Variants in COLEC12 observed in about 807,000 individuals in gnomAD.
COLEC12 encodes collectin-12.
In COLEC12, 33 loss-of-function variants were observed where a neutral mutation model predicts 71.1. The ratio of observed to expected loss-of-function variants is 0.46; its 90% CI spans 0.35 to 0.62. The LOEUF is 0.62. Among genes scored for constraint, COLEC12 ranks in the 20% least tolerant of loss-of-function variants. The pLI is 0.00. For missense variants in COLEC12, 765 were observed against 916.1 expected (o/e 0.84, Z 2.13); for synonymous variants, 350 against 353.0 (o/e 0.99, Z 0.10).
intron 2 of COLEC12, among the ~76,000 whole-genome samples, chr18:474,999 G>A (rs555792562): frequency 1.5e-3 from 226 of 152,060 alleles, no homozygotes; most frequent in Non-Finnish European, 2.7e-3. Context: ...ACTTGAACCC[G>A]GGAGGCGGAG....
At chr18:331,322 TG>T (rs565583716) in intron 8 of COLEC12, among the ~76,000 whole-genome samples, 1 of 152,240 alleles carries the variant, frequency 6.6e-6, no homozygotes, top group South Asian at 2.1e-4. Flanking sequence ...ACGCTGAACA[TG>T]CCTGAGGTTG....
chr18:478,300 G>A (rs918531374), intron 2 of COLEC12, among the ~76,000 whole-genome samples: 4 of 152,166 alleles, frequency 2.6e-5, no homozygotes, highest in Non-Finnish European at 5.9e-5. Flanking sequence ...CTCCCTTATA[G>A]GTGAAAACAA....
chr18:364,248 T>C (rs1914808864), intron 2 of COLEC12, among the ~76,000 whole-genome samples: 1 of 152,232 alleles, frequency 6.6e-6, no homozygotes, highest in Admixed American at 6.5e-5. Flanking sequence ...AAAAGAATTG[T>C]CGTAGGCAAA....
chr18:361,726 G>C (rs1157813398), intron 2 of COLEC12, among the ~76,000 whole-genome samples: 1 of 152,200 alleles, frequency 6.6e-6, no homozygotes, highest in Admixed American at 6.5e-5. Context: ...ATTCCATGCT[G>C]AGAAACCATG....
At chr18:495,664 G>A (rs145150931) in intron 1 of COLEC12, among the ~76,000 whole-genome samples, 335 of 152,314 alleles carry the variant, frequency 2.2e-3, no homozygotes, top group African/African-American at 7.4e-3. Flanking sequence ...TTCTAAGTCC[G>A]GATGATAGCG....
In COLEC12 at chr18:334,824, G is replaced by A. The variant is rs762468517; in HGVS notation, c.1734C>T (p.Gly578=). 1.3e-6 allele frequency: 2 copies of A among 1,516,430 alleles called. No individual in the cohort carries two copies. The highest frequency in any genetic ancestry group is 1.4e-5 in the African/African-American group (1 of 69,046). 93.9% of individuals were successfully genotyped at this position (1,516,430 alleles called of 1,614,324 possible). A position where few individuals can be genotyped will look rare whatever the true frequency, so the allele number is the denominator to read the frequency against. Residue 578 remains glycine, a synonymous_variant, in exon 6 of 10, where the codon GGC becomes GGT. Transcript: ENST00000400256. ...CTGATGGGCCAGGAGGGCCGGGGGGGCCCTTGGGGCCTGGCATGCCTGGTA... is the reference window on the plus strand; with the variant it reads ...CTGATGGGCCAGGAGGGCCGGGGGGACCCTTGGGGCCTGGCATGCCTGGTA... ...PGVPGMPGPK[G]PPGPPGPSGA...
chr18:445,809 T>C (rs998499016), intron 2 of COLEC12, among the ~76,000 whole-genome samples: 2 of 152,028 alleles, frequency 1.3e-5, no homozygotes, highest in Non-Finnish European at 2.9e-5. Context: ...ATTTTTTATT[T>C]TTTGTAGAGA....
intron 2 of COLEC12, among the ~76,000 whole-genome samples, chr18:413,619 C>G (rs1200193594): frequency 6.6e-6 from 1 of 152,138 alleles, no homozygotes; most frequent in African/African-American, 2.4e-5. Context: ...AGGCCAGGAG[C>G]TCAAGACCAG....
At chr18:496,826 T>G (rs1263340956) in intron 1 of COLEC12, among the ~76,000 whole-genome samples, 2 of 152,310 alleles carry the variant, frequency 1.3e-5, no homozygotes, top group East Asian at 1.9e-4. Context: ...TGGTTGTCTC[T>G]TAGGCAACAA....
At chr18:343,590 C>T (rs55640219) in intron 5 of COLEC12, among the ~76,000 whole-genome samples, 21,244 of 151,924 alleles carry the variant, frequency 0.14, 1,529 homozygotes, top group South Asian at 0.15. Context: ...CTCCCCCTCA[C>T]GCTTAGAATA....
chr18:495,414 C>T (rs1197581046), intron 1 of COLEC12, among the ~76,000 whole-genome samples: 1 of 152,214 alleles, frequency 6.6e-6, no homozygotes, highest in African/African-American at 2.4e-5. Flanking sequence ...ATTTCATTTT[C>T]TCAATGCAAA....
intron 2 of COLEC12, among the ~76,000 whole-genome samples, chr18:389,759 C>T (rs1357260940): frequency 6.6e-6 from 1 of 152,154 alleles, no homozygotes; most frequent in African/African-American, 2.4e-5. Context: ...TTCCCCTACT[C>T]CCTGAGAGAA....
chr18:328,218 G>A (rs1913890101), intron 8 of COLEC12, among the ~76,000 whole-genome samples: 1 of 152,158 alleles, frequency 6.6e-6, no homozygotes, highest in South Asian at 2.1e-4. Flanking sequence ...GCGATGATCT[G>A]TTCCAGAAAT....
chr18:489,937 G>A (rs1465015036), intron 1 of COLEC12, among the ~76,000 whole-genome samples: 1 of 152,194 alleles, frequency 6.6e-6, no homozygotes, highest in Admixed American at 6.5e-5. Context: ...GAGATACGGG[G>A]GCCATGGCAG....
At chr18:449,160 T>C (rs942112698) in intron 2 of COLEC12, among the ~76,000 whole-genome samples, 4 of 152,180 alleles carry the variant, frequency 2.6e-5, no homozygotes, top group African/African-American at 9.6e-5. Flanking sequence ...CATACCTTTT[T>C]AAAACAATGA....
rs771162220 is a variant in COLEC12 at position 357,534 on chromosome 18, G to C, written c.59-12C>G. 1 of 1,510,606 alleles carries C rather than the reference G, an allele frequency of 6.6e-7. No homozygotes were observed. The highest frequency in any genetic ancestry group is 1.3e-5 in the South Asian group (1 of 74,414). The allele number at this position is 1,510,606 out of a possible 1,614,324, so 93.6% of individuals were successfully genotyped here. On this transcript the variant is annotated splice_polypyrimidine_tract_variant and intron_variant, in intron 2 of 9. Coordinates refer to ENST00000400256, the MANE Select transcript of COLEC12 (RefSeq NM_130386.3). Reference sequence around the variant, plus strand: ...TCCTTCCTGAATACCTGTAAGAGAAGTCAAATTTTAATAACAGTAAGCAAA... The same window carrying C: ...TCCTTCCTGAATACCTGTAAGAGAACTCAAATTTTAATAACAGTAAGCAAA...
At chr18:335,769 G>A (rs1162278286) in intron 5 of COLEC12, among the ~76,000 whole-genome samples, 1 of 152,188 alleles carries the variant, frequency 6.6e-6, no homozygotes, top group Non-Finnish European at 1.5e-5. Flanking sequence ...GCCCAAGCAA[G>A]CCAATATACT....
At chr18:436,211 C>G (rs1000568478) in intron 2 of COLEC12, among the ~76,000 whole-genome samples, 2 of 152,276 alleles carry the variant, frequency 1.3e-5, no homozygotes, top group East Asian at 3.9e-4. Flanking sequence ...ATTTTGCAGG[C>G]AATAAAGGGC....
chr18:333,002 C>A lies in COLEC12; in HGVS notation c.1953+5G>T, dbSNP rs1914019437. 5 of 1,570,754 alleles carry A rather than the reference C, an allele frequency of 3.2e-6. No homozygotes were observed. The highest frequency in any genetic ancestry group is 4.3e-6 in the Non-Finnish European group (5 of 1,162,208). On this transcript the variant is annotated splice_donor_5th_base_variant and intron_variant, in intron 7 of 9. Coordinates refer to ENST00000400256, the MANE Select transcript of COLEC12 (RefSeq NM_130386.3). ...TTTCCCCAACCAAGTATGTGGCAGGCATACCTGTTCCTCTCTAGTGTTTAT... is the reference window on the plus strand; with the variant it reads ...TTTCCCCAACCAAGTATGTGGCAGGAATACCTGTTCCTCTCTAGTGTTTAT...
Sources: gnomAD v4.1 joint callset for allele counts (sites outside exome capture counted in the v4.1 genomes callset) on GRCh38, gnomAD v4.1.1 for gene constraint, MANE v1.5 for transcripts, NCBI Gene and HGNC (gene_info 2026-07-23, HGNC 2026-07-21) for gene names.